ATP6V1C2: variants seen among roughly 807,000 people sequenced by gnomAD.
ATP6V1C2 encodes the protein V-type proton ATPase subunit C 2.
Under a neutral mutation model 56.8 loss-of-function variants are expected in ATP6V1C2, and 45 were observed. That is an observed-to-expected ratio of 0.79 (90% CI 0.62 to 1.02). The LOEUF is 1.02. ATP6V1C2 is among the 50% of genes least tolerant of loss of function. ATP6V1C2 has a pLI of 0.00. For missense variants in ATP6V1C2, 463 were observed against 519.7 expected, an observed-to-expected ratio of 0.89 and a Z score of 1.06; for synonymous variants, 220 against 201.3, an observed-to-expected ratio of 1.09 and a Z score of -0.79.
chr2:10,724,522 G>A lies in ATP6V1C2; in HGVS notation c.129+1544G>A, dbSNP rs116196982. ...TGAGTAAATTCTGCATCCACTCATT[G>A]ATACTGTGTGTGAGGCACTGTGCTG... On this transcript the variant is annotated intron_variant, in intron 2 of 13. Coordinates refer to ENST00000272238, the MANE Select transcript of ATP6V1C2 (RefSeq NM_001039362.2). 5.4e-3 allele frequency among the ~76,000 whole-genome samples: 822 copies of A among 152,168 alleles called. 8 individuals are homozygous for A. Among genetic ancestry groups the A allele is most frequent in the African/African-American group, 0.019 (777 of 41,512 alleles).
intron 6 of ATP6V1C2, among the ~76,000 whole-genome samples, chr2:10,769,599 G>A (rs904716614): frequency 1.3e-5 from 2 of 152,202 alleles, no homozygotes; most frequent in Non-Finnish European, 2.9e-5. Context: ...AGCTACTTGG[G>A]AGGCTGAGGC....
At chr2:10,777,759 C>A in intron 11 of ATP6V1C2, 37 bp downstream of exon 11, 1 of 1,580,758 alleles carries the variant, frequency 6.3e-7, no homozygotes. Context: ...GTCCCTGGCT[C>A]ACATCTCCTC....
intron 10 of ATP6V1C2, among the ~76,000 whole-genome samples, chr2:10,776,267 G>A (rs749291385): frequency 1.4e-4 from 5 of 35,266 alleles, no homozygotes; most frequent in South Asian, 6.5e-4. Context: ...GCTCACACAC[G>A]TGTGTGTGTG....
At chr2:10,741,942 G>A (rs115834202) in intron 3 of ATP6V1C2, among the ~76,000 whole-genome samples, 1,722 of 149,782 alleles carry the variant, frequency 0.011, 36 homozygotes, top group African/African-American at 0.039. Context: ...ATGGAGTCTC[G>A]CCCTGTGGCT....
Position 10,784,665 on chromosome 2 carries a change from A to G in ATP6V1C2, c.*1402A>G. 2 of 509,856 alleles carry G rather than the reference A, an allele frequency of 3.9e-6. No homozygotes were observed. Among genetic ancestry groups the G allele is most frequent in the Non-Finnish European group, 3.4e-6 (1 of 290,990 alleles). 31.6% of individuals were successfully genotyped at this position (509,856 alleles called of 1,614,324 possible). A position where few individuals can be genotyped will look rare whatever the true frequency, so the allele number is the denominator to read the frequency against. On this transcript the variant is annotated 3_prime_UTR_variant, in exon 14 of 14. Coordinates refer to ENST00000272238, the MANE Select transcript of ATP6V1C2 (RefSeq NM_001039362.2). ...TTCTAAGATAAAGTAAATGAATTCC[A>G]GGTTAAATGTTCACTTTAAGGTAAT...
At chr2:10,776,223 T>G (rs1003793972) in intron 10 of ATP6V1C2, among the ~76,000 whole-genome samples, 6 of 150,240 alleles carry the variant, frequency 4.0e-5, no homozygotes, top group Non-Finnish European at 8.9e-5. Context: ...ATATAGGGGG[T>G]TTTTCACCCT....
At chr2:10,725,587 G>A (rs948329334) in intron 2 of ATP6V1C2, among the ~76,000 whole-genome samples, 1 of 139,704 alleles carries the variant, frequency 7.2e-6, no homozygotes, top group African/African-American at 2.7e-5. Context: ...CTCCACCTCC[G>A]AGGTTCAAAT....
chr2:10,783,118 G>C (rs1665494274), intron 13 of ATP6V1C2, 56 bp from the exon 14 acceptor site: 8 of 1,416,374 alleles, frequency 5.6e-6, no homozygotes, highest in Non-Finnish European at 8.0e-6. Context: ...AAACTAAAAG[G>C]ATAAGACAGG....
rs1246691760 is a variant in ATP6V1C2 at position 10,780,681 on chromosome 2, A to G, written c.1062-1562A>G. ...CGGCCTAACACAGTGAAGCCTGTCC[A>G]TGCCTTCCAGGATGCGCATCTGCCC... On this transcript the variant is annotated intron_variant, in intron 12 of 13. Transcript: ENST00000272238. The surrounding 1 kb of genome is among the most constrained non-coding windows in gnomAD (Gnocchi z 4.1). Among the ~76,000 whole-genome samples the G allele has an allele frequency of 6.6e-6, 1 of 151,696 alleles. No individual in the cohort carries two copies. Among genetic ancestry groups the G allele is most frequent in the African/African-American group, 2.4e-5 (1 of 41,278 alleles).
chr2:10,782,132 C>T, intron 12 of ATP6V1C2, 111 bp from the exon 13 acceptor site: 2 of 1,273,868 alleles, frequency 1.6e-6, no homozygotes, highest in Non-Finnish European at 2.2e-6. Flanking sequence ...CTTTATGAAG[C>T]TGTGTTGGTT....
chr2:10,753,711 A>G (rs1273029059), intron 3 of ATP6V1C2, among the ~76,000 whole-genome samples: 3 of 151,860 alleles, frequency 2.0e-5, no homozygotes, highest in Non-Finnish European at 4.4e-5. Flanking sequence ...TTGTATTTTT[A>G]GTAGAGACGG....
intron 3 of ATP6V1C2, among the ~76,000 whole-genome samples, chr2:10,738,250 C>T (rs1041941723): frequency 4.6e-5 from 7 of 152,186 alleles, no homozygotes; most frequent in African/African-American, 1.2e-4. Context: ...GTAGGCCCCT[C>T]ACAGGTGGCA....
chr2:10,731,497 A>G (rs1042636116), intron 3 of ATP6V1C2, among the ~76,000 whole-genome samples: 1 of 152,214 alleles, frequency 6.6e-6, no homozygotes, highest in Non-Finnish European at 1.5e-5. Context: ...CCTAGCTGAG[A>G]AGACACATAT....
chr2:10,721,787 C>T (rs1411578814), intron 1 of ATP6V1C2, 56 bp downstream of exon 1: 1 of 152,046 alleles, frequency 6.6e-6, no homozygotes, highest in Admixed American at 6.5e-5. Flanking sequence ...GGGACACAGG[C>T]ACGGGGTCCG....
intron 3 of ATP6V1C2, among the ~76,000 whole-genome samples, chr2:10,728,774 CA>C (rs370117201): frequency 0.14 from 10,171 of 74,244 alleles, 636 homozygotes; most frequent in East Asian, 0.41. Context: ...CACCCTGTCT[CA>C]AAAAAAAAAA....
At chr2:10,722,033 G>C (rs1297572349) in intron 1 of ATP6V1C2, among the ~76,000 whole-genome samples, 1 of 152,210 alleles carries the variant, frequency 6.6e-6, no homozygotes, top group Non-Finnish European at 1.5e-5. Flanking sequence ...GGTTCCACCA[G>C]GGGTCTCTGG....
chr2:10,753,650 G>A, intron 3 of ATP6V1C2, among the ~76,000 whole-genome samples: 1 of 151,702 alleles, frequency 6.6e-6, no homozygotes, highest in Non-Finnish European at 1.5e-5. Flanking sequence ...TCCTGCCTCG[G>A]CCTCCCAAGT....
chr2:10,779,879 GA>G (rs1389203272), intron 12 of ATP6V1C2, among the ~76,000 whole-genome samples: 4 of 152,078 alleles, frequency 2.6e-5, no homozygotes, highest in Admixed American at 6.6e-5. Context: ...AGATTTTTAT[GA>G]AAGTGGAATC....
intron 3 of ATP6V1C2, among the ~76,000 whole-genome samples, chr2:10,752,151 G>A (rs1572550803): frequency 1.3e-5 from 2 of 152,304 alleles, no homozygotes; most frequent in African/African-American, 4.8e-5. Context: ...AATATGAAAT[G>A]TGTTCCCTCT....
Sources: gnomAD v4.1 joint callset for allele counts (sites outside exome capture counted in the v4.1 genomes callset) on GRCh38, gnomAD v4.1.1 for gene constraint, Gnocchi (gnomAD v3.1) non-coding constraint, MANE v1.5 for transcripts, NCBI Gene and HGNC (gene_info 2026-07-23, HGNC 2026-07-21) for gene names.